Variants in SNRPN observed in about 807,000 individuals in gnomAD.
SNRPN encodes small nuclear ribonucleoprotein polypeptide N, also known as small nuclear ribonucleoprotein-associated protein N.
SNRPN carries 7 observed loss-of-function variants against 25.2 expected under a neutral mutation model. The observed-to-expected ratio is 0.28, with a 90% confidence interval of 0.16 to 0.52. SNRPN has a LOEUF of 0.52. Ranked by LOEUF, SNRPN falls within the 20% of genes least tolerant of loss-of-function variation. The probability of loss-of-function intolerance (pLI) is 0.96; values close to 1 mark genes in which losing one functional copy is unlikely to be tolerated. For synonymous variants in SNRPN, 124 were observed against 110.6 expected (o/e 1.12, Z -0.76); for missense variants, 196 against 322.5 (o/e 0.61, Z 3.00).
intron 1 of SNRPN, among the ~76,000 whole-genome samples, chr15:24,826,083 A>G (rs1009387144): frequency 6.6e-6 from 1 of 152,058 alleles, no homozygotes; most frequent in Non-Finnish European, 1.5e-5. Flanking sequence ...AGCATCATGA[A>G]TAAGATGAAA....
intron 2 of SNRPN, among the ~76,000 whole-genome samples, chr15:24,839,345 C>A (rs1328025378): frequency 6.6e-6 from 1 of 152,010 alleles, no homozygotes; most frequent in Non-Finnish European, 1.5e-5. Context: ...AGACTGAGGT[C>A]CTCTGGGGTG....
chr15:24,835,811 T>A (rs1248113887), intron 2 of SNRPN, among the ~76,000 whole-genome samples: 1 of 152,018 alleles, frequency 6.6e-6, no homozygotes, highest in Non-Finnish European at 1.5e-5. Flanking sequence ...ACCTGAGTGG[T>A]CAGGAAGTCA....
intron 3 of SNRPN, among the ~76,000 whole-genome samples, chr15:24,930,968 A>T (rs2060811979): frequency 1.3e-5 from 2 of 151,648 alleles, no homozygotes; most frequent in African/African-American, 2.4e-5. Flanking sequence ...CAAGAGGCTG[A>T]GGTGGGGAGC....
chr15:24,916,583 T>TATAC (rs1316480332), intron 2 of SNRPN, among the ~76,000 whole-genome samples: 1 of 152,114 alleles, frequency 6.6e-6, no homozygotes, highest in African/African-American at 2.4e-5. Context: ...AAAAAATACA[T>TATAC]ATACATACAT....
chr15:24,902,080 G>A (rs953973165), intron 2 of SNRPN, among the ~76,000 whole-genome samples: 6 of 152,126 alleles, frequency 3.9e-5, no homozygotes, highest in African/African-American at 1.2e-4. Context: ...TCCTGATTTC[G>A]GGAGGGGAAA....
intron 2 of SNRPN, among the ~76,000 whole-genome samples, chr15:24,830,238 C>G (rs1032207044): frequency 2.0e-5 from 3 of 151,942 alleles, no homozygotes; most frequent in Non-Finnish European, 4.4e-5. Context: ...ATGAAATTAC[C>G]TTGCTTTACA....
chr15:24,867,135 A>C (rs957465546), intron 1 of SNRPN, among the ~76,000 whole-genome samples: 1 of 152,204 alleles, frequency 6.6e-6, no homozygotes, highest in Admixed American at 6.5e-5. Context: ...TTTTCTTTGG[A>C]TATATAGCCA....
chr15:24,891,754 T>C (rs2057698899), intron 2 of SNRPN, among the ~76,000 whole-genome samples: 1 of 152,120 alleles, frequency 6.6e-6, no homozygotes, highest in Admixed American at 6.6e-5. Flanking sequence ...TTTTAAGATA[T>C]TTTATAAATT....
intron 3 of SNRPN, 95 bp downstream of exon 3, chr15:24,968,177 TC>T: frequency 1.3e-6 from 1 of 773,418 alleles, no homozygotes; most frequent in South Asian, 1.5e-5. Flanking sequence ...TTAATTTTTT[TC>T]CTTAGAGCTT....
intron 1 of SNRPN, among the ~76,000 whole-genome samples, chr15:24,860,622 T>C (rs2053906004): frequency 6.6e-6 from 1 of 152,288 alleles, no homozygotes; most frequent in South Asian, 2.1e-4. Flanking sequence ...CATCCTTAAG[T>C]GTGCTCAAAA....
intron 3 of SNRPN, among the ~76,000 whole-genome samples, chr15:24,937,484 CTG>C (rs1367812065): frequency 6.6e-6 from 1 of 152,038 alleles, no homozygotes; most frequent in African/African-American, 2.4e-5. Context: ...GATCTCACCA[CTG>C]TACTCTAGCC....
intron 1 of SNRPN, among the ~76,000 whole-genome samples, chr15:24,861,603 A>G (rs10047997): frequency 0.19 from 28,130 of 152,040 alleles, 3,006 homozygotes; most frequent in East Asian, 0.45. Context: ...TAAAAACTAA[A>G]GTAATTGTGC....
intron 2 of SNRPN, among the ~76,000 whole-genome samples, chr15:24,844,986 T>C (rs2144325274): frequency 6.6e-6 from 1 of 152,230 alleles, no homozygotes; most frequent in African/African-American, 2.4e-5. Context: ...TTATATCTAG[T>C]GCAAAAAAGG....
chr15:24,970,397 G>A (rs537907126), intron 3 of SNRPN, among the ~76,000 whole-genome samples: 2 of 152,012 alleles, frequency 1.3e-5, no homozygotes, highest in East Asian at 3.9e-4. Flanking sequence ...CTGGCCACAT[G>A]GCGAAACCCC....
chr15:24,956,014 G>C (rs1201443277), intron 1 of SNRPN, among the ~76,000 whole-genome samples: 1 of 152,058 alleles, frequency 6.6e-6, no homozygotes, highest in Non-Finnish European at 1.5e-5. Flanking sequence ...TGCCTACTGT[G>C]GTGGTGGTGC....
In SNRPN at chr15:24,873,165, C is replaced by T. The variant is rs1050051581; in HGVS notation, c.-578-13351C>T. Among the ~76,000 whole-genome samples the T allele has an allele frequency of 3.7e-5, 4 of 108,678 alleles. 1 individual carries two copies. The highest frequency in any genetic ancestry group is 5.7e-5 in the Non-Finnish European group (3 of 52,678). The allele number at this position is 108,678 out of a possible 152,430, so 71.3% of individuals were successfully genotyped here. A position where few individuals can be genotyped will look rare whatever the true frequency, so the allele number is the denominator to read the frequency against. On this transcript the variant is annotated intron_variant, in intron 1 of 11. Coordinates refer to the SNRPN transcript ENST00000400097. The stretch of plus-strand genomic sequence containing the variant: ...CAGCTTACCAATTACTCCCGCCTTG[C>T]CCGCAAAAAAAAAGCAACAGGGATT...
intron 3 of SNRPN, among the ~76,000 whole-genome samples, chr15:24,940,447 C>G (rs138460126): frequency 6.6e-6 from 1 of 152,168 alleles, no homozygotes; most frequent in Non-Finnish European, 1.5e-5. Context: ...CCCAGTACCA[C>G]GTGTTGAAAA....
intron 1 of SNRPN, chr15:24,856,816 TAA>T (rs1415631868): frequency 3.9e-5 from 6 of 152,250 alleles, no homozygotes; most frequent in Non-Finnish European, 8.8e-5. Flanking sequence ...AAACATCATC[TAA>T]AACCAACTTC....
intron 3 of SNRPN, among the ~76,000 whole-genome samples, chr15:24,928,772 T>C (rs2060591045): frequency 2.7e-5 from 4 of 147,972 alleles, no homozygotes; most frequent in African/African-American, 1.0e-4. Context: ...TGCCTAGCTA[T>C]TTTTTTTTAA....
Sources: gnomAD v4.1 joint callset for allele counts (sites outside exome capture counted in the v4.1 genomes callset) on GRCh38, gnomAD v4.1.1 for gene constraint, MANE v1.5 for transcripts, NCBI Gene and HGNC (gene_info 2026-07-23, HGNC 2026-07-21) for gene names.